Variants in LRRC37A2 observed in about 807,000 individuals in gnomAD.
The protein encoded by LRRC37A2 is leucine-rich repeat-containing protein 37A2.
In LRRC37A2, 9 loss-of-function variants were observed where a neutral mutation model predicts 68.8. That is an observed-to-expected ratio of 0.13 (90% confidence interval 0.08 to 0.23). The LOEUF (loss-of-function observed/expected upper bound fraction) is 0.23. Among genes scored for constraint, LRRC37A2 ranks in the 10% least tolerant of loss-of-function variants. The probability of loss-of-function intolerance (pLI) is 1.00; values close to 1 mark genes in which losing one functional copy is unlikely to be tolerated. For missense variants in LRRC37A2, 168 were observed against 950.4 expected (o/e 0.18, Z 10.82); for synonymous variants, 63 against 367.6 (o/e 0.17, Z 9.48).
At chr17:46,942,375 C>T in the LRRC37A2 span, among the ~76,000 whole-genome samples, 1 of 152,218 alleles carries the variant, frequency 6.6e-6, no homozygotes, top group African/African-American at 2.4e-5. Context: ...TGTTCTCCAT[C>T]ATTTATCCTC....
chr17:46,848,570 T>C, the LRRC37A2 span, among the ~76,000 whole-genome samples: 1 of 152,218 alleles, frequency 6.6e-6, no homozygotes, highest in East Asian at 1.9e-4. Context: ...ATTGCAGGGA[T>C]GATCTGTTTT....
At chr17:46,953,368 A>ATTT in the LRRC37A2 span, among the ~76,000 whole-genome samples, 2 of 152,042 alleles carry the variant, frequency 1.3e-5, no homozygotes, top group Non-Finnish European at 2.9e-5. Flanking sequence ...CCCTACAAAG[A>ATTT]ATATGAGCTC....
At chr17:47,004,899 T>C in the LRRC37A2 span, among the ~76,000 whole-genome samples, 2 of 152,338 alleles carry the variant, frequency 1.3e-5, no homozygotes, top group African/African-American at 4.8e-5. Flanking sequence ...ATATTTACCT[T>C]CTGGGGTAAT....
At chr17:46,867,412 G>T in the LRRC37A2 span, among the ~76,000 whole-genome samples, 1 of 152,224 alleles carries the variant, frequency 6.6e-6, no homozygotes, top group Non-Finnish European at 1.5e-5. Context: ...AGGTGTATTT[G>T]TTTGATGGAA....
At chr17:46,750,539 T>G in the LRRC37A2 span, among the ~76,000 whole-genome samples, 2 of 152,224 alleles carry the variant, frequency 1.3e-5, no homozygotes, top group Non-Finnish European at 2.9e-5. Context: ...GATTTCAGAC[T>G]TTTGGATTAG....
the LRRC37A2 span, among the ~76,000 whole-genome samples, chr17:46,839,687 C>T: frequency 6.6e-6 from 1 of 152,146 alleles, no homozygotes; most frequent in Non-Finnish European, 1.5e-5. Context: ...CCCCCAGTCC[C>T]CCCCGCCAAG....
chr17:46,839,066 C>T, the LRRC37A2 span, among the ~76,000 whole-genome samples: 92 of 152,128 alleles, frequency 6.0e-4, no homozygotes, highest in Admixed American at 9.8e-4. Flanking sequence ...TTAGTAGAGA[C>T]AGACTTTCAC....
the LRRC37A2 span, among the ~76,000 whole-genome samples, chr17:46,583,547 G>A: frequency 1.3e-5 from 1 of 78,632 alleles, no homozygotes; most frequent in African/African-American, 3.6e-5. Flanking sequence ...CACCTACCTC[G>A]GCCTCCCAAA....
chr17:46,825,875 T>G, the LRRC37A2 span, among the ~76,000 whole-genome samples: 1,366 of 152,158 alleles, frequency 9.0e-3, 15 homozygotes, highest in African/African-American at 0.032. Flanking sequence ...AATACAAAAT[T>G]AGCTGGGCAT....
At chr17:46,901,971 C>T in the LRRC37A2 span, among the ~76,000 whole-genome samples, 1 of 152,172 alleles carries the variant, frequency 6.6e-6, no homozygotes, top group Non-Finnish European at 1.5e-5. Flanking sequence ...CTGTGCCCAG[C>T]TAATTTTTGT....
the LRRC37A2 span, among the ~76,000 whole-genome samples, chr17:46,867,778 G>T: frequency 1.3e-5 from 2 of 152,202 alleles, no homozygotes; most frequent in Non-Finnish European, 2.9e-5. Flanking sequence ...GTGAGAGTGT[G>T]TGAGATGAAG....
At chr17:46,774,105 C>A in the LRRC37A2 span, among the ~76,000 whole-genome samples, 3 of 152,266 alleles carry the variant, frequency 2.0e-5, no homozygotes, top group African/African-American at 7.2e-5. Context: ...GCAAGTCAGC[C>A]CTCTGGCTGC....
the LRRC37A2 span, chr17:46,923,384 C>G: frequency 3.4e-6 from 5 of 1,465,060 alleles, no homozygotes; most frequent in Non-Finnish European, 4.5e-6. Flanking sequence ...GGCGGGACTC[C>G]CAGGTCAGCC....
At chr17:46,500,138 GTTC>G in the LRRC37A2 span, among the ~76,000 whole-genome samples, 1 of 149,560 alleles carries the variant, frequency 6.7e-6, no homozygotes, top group Admixed American at 6.6e-5. Context: ...GACAAATTTT[GTTC>G]TTTGGTTCTC....
the LRRC37A2 span, among the ~76,000 whole-genome samples, chr17:46,911,173 G>C: frequency 2.0e-5 from 3 of 152,126 alleles, no homozygotes; most frequent in Admixed American, 1.3e-4. Flanking sequence ...GGGTAGTATT[G>C]CTTCCTTATT....
At chr17:46,719,751 AAAG>A in the LRRC37A2 span, among the ~76,000 whole-genome samples, 2 of 152,212 alleles carry the variant, frequency 1.3e-5, no homozygotes, top group East Asian at 1.9e-4. This position sits in a 1 kb window ranked among gnomAD's most constrained non-coding sequence, Gnocchi z 4.3. Context: ...TAAATGAACA[AAAG>A]AAGAAAGCAG....
At chr17:46,766,146 C>T in the LRRC37A2 span, among the ~76,000 whole-genome samples, 4 of 152,298 alleles carry the variant, frequency 2.6e-5, no homozygotes, top group Middle Eastern at 3.4e-3. Context: ...CGGTGGCTCA[C>T]GCCTGTAATC....
chr17:46,926,929 C>T, the LRRC37A2 span, among the ~76,000 whole-genome samples: 2 of 152,232 alleles, frequency 1.3e-5, no homozygotes, highest in Non-Finnish European at 2.9e-5. Flanking sequence ...ATTCCTCAAA[C>T]TGCTGGGTCA....
At chr17:46,844,493 C>T in the LRRC37A2 span, among the ~76,000 whole-genome samples, 43 of 152,048 alleles carry the variant, frequency 2.8e-4, no homozygotes, top group Admixed American at 1.4e-3. Context: ...ATGAGCACTT[C>T]CTGTAAACTT....
Sources: gnomAD v4.1 joint callset for allele counts (sites outside exome capture counted in the v4.1 genomes callset) on GRCh38, gnomAD v4.1.1 for gene constraint, Gnocchi (gnomAD v3.1) non-coding constraint, MANE v1.5 for transcripts, NCBI Gene and HGNC (gene_info 2026-07-23, HGNC 2026-07-21) for gene names.